The following NTM variants were observed in gnomAD, a reference collection of about 807,000 sequenced individuals.
NTM encodes the protein neurotrimin.
In NTM, 13 loss-of-function variants were observed where a neutral mutation model predicts 42.1. The observed-to-expected ratio is 0.31, with a 90% CI of 0.20 to 0.49. The LOEUF (loss-of-function observed/expected upper bound fraction) is 0.49, where lower values mean the gene tolerates loss of function less well. Among genes scored for constraint, NTM ranks in the 20% least tolerant of loss-of-function variants. NTM has a pLI of 0.99. For missense variants in NTM, 373 were observed against 452.8 expected (o/e 0.82, Z 1.60); for synonymous variants, 187 against 179.2 (o/e 1.04, Z -0.35).
intron 1 of NTM, among the ~76,000 whole-genome samples, chr11:131,848,761 C>T (rs952427050): frequency 1.3e-5 from 2 of 152,172 alleles, no homozygotes; most frequent in African/African-American, 2.4e-5. Context: ...AATCGCACAC[C>T]TAGGAAATAT....
intron 1 of NTM, among the ~76,000 whole-genome samples, chr11:131,561,514 A>T (rs2056225979): frequency 1.3e-5 from 2 of 152,206 alleles, no homozygotes. Context: ...GACTCTTGAG[A>T]CACTCATTGT....
chr11:132,261,762 G>A (rs1240466571), intron 4 of NTM, among the ~76,000 whole-genome samples: 1 of 152,210 alleles, frequency 6.6e-6, no homozygotes, highest in African/African-American at 2.4e-5. Flanking sequence ...AATGGGAGCA[G>A]ATAGATTTCA....
At chr11:132,197,497 T>C (rs541054337) in intron 3 of NTM, among the ~76,000 whole-genome samples, 1 of 152,236 alleles carries the variant, frequency 6.6e-6, no homozygotes, top group East Asian at 1.9e-4. Flanking sequence ...GAGATGTTTA[T>C]TGATTTTTAA....
chr11:132,148,862 C>T (rs2071205858), intron 3 of NTM, among the ~76,000 whole-genome samples: 2 of 152,086 alleles, frequency 1.3e-5, no homozygotes, highest in African/African-American at 4.8e-5. Flanking sequence ...TCACTCACAT[C>T]CAAGCTAATG....
At chr11:132,254,688 A>G (rs141071366) in intron 4 of NTM, among the ~76,000 whole-genome samples, 544 of 152,162 alleles carry the variant, frequency 3.6e-3, no homozygotes, top group Non-Finnish European at 6.1e-3. Flanking sequence ...GGAAGACCGC[A>G]CCACCATTCT....
At chr11:131,722,696 G>T (rs1302819605) in intron 1 of NTM, among the ~76,000 whole-genome samples, 1 of 152,200 alleles carries the variant, frequency 6.6e-6, no homozygotes, top group Non-Finnish European at 1.5e-5. Context: ...GGTGTGAGCT[G>T]CAGGGCCACT....
chr11:132,189,019 A>G (rs572565457), intron 3 of NTM, among the ~76,000 whole-genome samples: 1 of 152,354 alleles, frequency 6.6e-6, no homozygotes, highest in African/African-American at 2.4e-5. Context: ...ATGATGATGA[A>G]TAGCAATTAC....
At chr11:131,874,025 A>AATATTATATAT in intron 1 of NTM, among the ~76,000 whole-genome samples, 1 of 75,448 alleles carries the variant, frequency 1.3e-5, no homozygotes, top group Non-Finnish European at 2.9e-5. Flanking sequence ...TATATAATAT[A>AATATTATATAT]ATATAATATA....
chr11:132,188,808 G>A (rs992600705), intron 3 of NTM, among the ~76,000 whole-genome samples: 4 of 152,148 alleles, frequency 2.6e-5, no homozygotes, highest in Admixed American at 2.6e-4. Flanking sequence ...ATTAACTGAT[G>A]CTAATCTAAT....
intron 4 of NTM, among the ~76,000 whole-genome samples, chr11:132,232,912 A>G (rs1252029807): frequency 2.6e-5 from 4 of 152,224 alleles, no homozygotes; most frequent in Non-Finnish European, 5.9e-5. Context: ...AACAACAGCA[A>G]TTATCATTTG....
In NTM at chr11:131,419,626, G is replaced by A. The variant is rs1947301526; in HGVS notation, c.82+48738G>A. 2.0e-5 allele frequency among the ~76,000 whole-genome samples: 3 copies of A among 152,256 alleles called. No individual in the cohort carries two copies. In the South Asian group the frequency reaches 6.2e-4, roughly 32 times the overall value. On this transcript the variant is annotated intron_variant, in intron 1 of 8. Coordinates refer to ENST00000683400, the MANE Select transcript of NTM (RefSeq NM_001352005.2). Reference sequence around the variant, plus strand: ...CTGGGCTGGGTAGGTGAGGGAAAGAGTGAAATGGAATGAAAGGGAAGGGGA... The same window carrying A: ...CTGGGCTGGGTAGGTGAGGGAAAGAATGAAATGGAATGAAAGGGAAGGGGA...
At chr11:131,687,012 C>T (rs1048479148) in intron 1 of NTM, among the ~76,000 whole-genome samples, 1 of 152,152 alleles carries the variant, frequency 6.6e-6, no homozygotes, top group African/African-American at 2.4e-5. Flanking sequence ...CCACGTTCTG[C>T]CCCAGTTCGG....
rs1158545054 is a variant in NTM, at chr11:131,668,978, TAGGGGGAGCACAGCTTTCTGCTTTCAAA to T, written c.83-242580_83-242553del. On this transcript the variant is annotated intron_variant, in intron 1 of 8. Coordinates refer to ENST00000683400, the MANE Select transcript of NTM (RefSeq NM_001352005.2). ...GACTTGTTCCACTGGTGGTGGCCGGTAGGGGGAGCACAGCTTTCTGCTTTCAAAAGGGGCTGGAGCTTGGGGAAGCCAC... is the reference window on the plus strand; with the variant it reads ...GACTTGTTCCACTGGTGGTGGCCGGTAGGGGCTGGAGCTTGGGGAAGCCAC... 7.2e-5 allele frequency among the ~76,000 whole-genome samples: 11 copies of T among 152,158 alleles called. No homozygotes were observed. The East Asian group carries it at 2.1e-3, about 29-fold the overall frequency.
At chr11:132,117,761 TA>T (rs1038421592) in intron 2 of NTM, among the ~76,000 whole-genome samples, 3 of 152,196 alleles carry the variant, frequency 2.0e-5, no homozygotes, top group Non-Finnish European at 4.4e-5. Flanking sequence ...GCTTAGCACT[TA>T]AAAAATACTT....
Position 132,203,853 on chromosome 11 carries a change from C to T in NTM, c.401-8169C>T, listed in dbSNP as rs552716608. 3.9e-5 allele frequency among the ~76,000 whole-genome samples: 6 copies of T among 152,096 alleles called. No individual in the cohort carries two copies. The South Asian group carries it at 8.3e-4, about 21-fold the overall frequency. On this transcript the variant is annotated intron_variant, in intron 3 of 8. Coordinates refer to ENST00000683400, the MANE Select transcript of NTM (RefSeq NM_001352005.2). ...GGTGGAGCTTGCAGTGAGCCTAGAT[C>T]GCACCACTGCACTCCAGCCTGAGCA...
intron 2 of NTM, among the ~76,000 whole-genome samples, chr11:132,143,566 G>A (rs2069649079): frequency 6.6e-6 from 1 of 152,186 alleles, no homozygotes; most frequent in African/African-American, 2.4e-5. Context: ...TTGGCAATAA[G>A]TGAACCCAAC....
intron 1 of NTM, among the ~76,000 whole-genome samples, chr11:131,463,442 G>A (rs1488491161): frequency 6.6e-6 from 1 of 152,210 alleles, no homozygotes; most frequent in Non-Finnish European, 1.5e-5. Flanking sequence ...CAGCTGAGAG[G>A]TGCAGCTTGT....
At chr11:131,693,893 C>T (rs2075104443) in intron 1 of NTM, among the ~76,000 whole-genome samples, 3 of 152,184 alleles carry the variant, frequency 2.0e-5, no homozygotes, top group African/African-American at 4.8e-5. Flanking sequence ...GGTGGAAGCA[C>T]ATTCCTGTGT....
intron 1 of NTM, among the ~76,000 whole-genome samples, chr11:131,504,992 T>C (rs1190576331): frequency 1.3e-5 from 2 of 152,144 alleles, no homozygotes; most frequent in African/African-American, 4.8e-5. Flanking sequence ...GCAGAGGCTG[T>C]TGACATGAGT....
Sources: allele counts gnomAD v4.1 joint callset (sites outside exome capture counted in the v4.1 genomes callset), GRCh38; gene constraint gnomAD v4.1.1; transcripts MANE v1.5; gene names NCBI Gene and HGNC (gene_info 2026-07-23, HGNC 2026-07-21).